Variants in ATP10A observed in about 807,000 individuals in gnomAD.
The protein encoded by ATP10A is phospholipid-transporting ATPase VA.
ATP10A carries 111 observed loss-of-function variants against 147.8 expected under a neutral mutation model. The ratio of observed to expected loss-of-function variants is 0.75; its 90% CI spans 0.64 to 0.88. ATP10A has a LOEUF of 0.88. Among genes scored for constraint, ATP10A ranks in the 40% least tolerant of loss-of-function variants. ATP10A has a pLI of 0.00. For synonymous variants in ATP10A, 875 were observed against 841.6 expected (o/e 1.04, Z -0.69); for missense variants, 1,927 against 1,959.0 (o/e 0.98, Z 0.31).
intron 5 of ATP10A, 51 bp downstream of exon 5, chr15:25,725,900 G>C (rs1259497306): frequency 5.8e-6 from 9 of 1,559,482 alleles, no homozygotes; most frequent in East Asian, 2.3e-5. Context: ...TTACGGGCAC[G>C]AGCCACTGCG....
chr15:25,754,367 C>G (rs1888310188), intron 2 of ATP10A, among the ~76,000 whole-genome samples: 1 of 152,140 alleles, frequency 6.6e-6, no homozygotes. Context: ...ATTTCTTGAC[C>G]TCGTGATCTG....
Position 25,841,969 on chromosome 15 carries a change from T to C in ATP10A, c.449+20679A>G, listed in dbSNP as rs139767860. The stretch of plus-strand genomic sequence containing the variant: ...AGGTTTTGTTTTGGGTTTTGTAGAA[T>C]CAGTCTTTCATCCTCAACTGTGAAA... On this transcript the variant is annotated intron_variant, in intron 1 of 20. Coordinates refer to ENST00000555815, the MANE Select transcript of ATP10A (RefSeq NM_024490.4). Among the ~76,000 whole-genome samples, 579 of 152,346 alleles carry C rather than the reference T, an allele frequency of 3.8e-3. 12 individuals carry two copies. Among genetic ancestry groups the C allele is most frequent in the Admixed American group, 0.031 (468 of 15,306 alleles).
chr15:25,780,289 G>A (rs1022496398), intron 2 of ATP10A, among the ~76,000 whole-genome samples: 3 of 152,270 alleles, frequency 2.0e-5, no homozygotes, highest in Non-Finnish European at 4.4e-5. Context: ...CAGACTTGCT[G>A]TCTAGGCCAG....
At chr15:25,689,482 G>A (rs979711636) in intron 15 of ATP10A, among the ~76,000 whole-genome samples, 7 of 152,098 alleles carry the variant, frequency 4.6e-5, no homozygotes, top group East Asian at 1.9e-4. Context: ...GATCCTCCAC[G>A]GCTCAGCTCT....
intron 13 of ATP10A, among the ~76,000 whole-genome samples, chr15:25,697,317 A>C (rs1473186428): frequency 6.6e-6 from 1 of 152,234 alleles, no homozygotes; most frequent in Admixed American, 6.5e-5. Context: ...CTGCTTAAAA[A>C]AAATCCACAT....
intron 10 of ATP10A, chr15:25,710,244 G>GA (rs1901317814): frequency 6.6e-6 from 1 of 152,260 alleles, no homozygotes; most frequent in African/African-American, 2.4e-5. Context: ...CTCGGGTGAG[G>GA]AGTGACACCA....
At chr15:25,782,396 T>C (rs994320673) in intron 1 of ATP10A, among the ~76,000 whole-genome samples, 17 of 152,210 alleles carry the variant, frequency 1.1e-4, no homozygotes, top group African/African-American at 4.1e-4. Context: ...CACTTAAAAA[T>C]AGTTGAAATG....
chr15:25,805,231 T>G (rs1473907013), intron 1 of ATP10A, among the ~76,000 whole-genome samples: 2 of 152,226 alleles, frequency 1.3e-5, no homozygotes, highest in East Asian at 3.9e-4. Context: ...TGACTCACTG[T>G]GTGCCAGGAG....
chr15:25,689,619 G>A (rs1364395133), intron 15 of ATP10A, among the ~76,000 whole-genome samples: 3 of 152,236 alleles, frequency 2.0e-5, no homozygotes, highest in African/African-American at 4.8e-5. Flanking sequence ...GGATGGTAAG[G>A]AAAGGTATCA....
In ATP10A at chr15:25,680,867, A is replaced by G. The variant is rs772831808; in HGVS notation, c.3621T>C (p.Ile1207=). The change falls in exon 19 of 21, where the codon ATT becomes ATC. Residue 1207 remains isoleucine (I), a synonymous_variant. Coordinates refer to ENST00000555815, the MANE Select transcript of ATP10A (RefSeq NM_024490.4). ...NVDLFTWGTP[I]VTIALLTFLL... is the part of the protein sequence containing the mutation. ...GGAAAGTGAGCAGCGCGATTGTCAC[A>G]ATAGGGGTCCCCCAGGTAAACAGGT... The G allele has an allele frequency of 3.1e-6, 5 of 1,614,116 alleles. No homozygotes were observed. The highest frequency in any genetic ancestry group is 4.2e-6 in the Non-Finnish European group (5 of 1,180,026).
chr15:25,860,904 G>A (rs1276636551), intron 1 of ATP10A, among the ~76,000 whole-genome samples: 2 of 152,192 alleles, frequency 1.3e-5, no homozygotes, highest in Non-Finnish European at 2.9e-5. Context: ...TAAAAAGGAG[G>A]CTACAGGAGT....
chr15:25,713,420 C>G (rs561843966), intron 10 of ATP10A, among the ~76,000 whole-genome samples: 7 of 152,324 alleles, frequency 4.6e-5, no homozygotes, highest in African/African-American at 1.7e-4. Context: ...ACGTGACACT[C>G]TTCAAGTATC....
At chr15:25,863,775 G>C (rs1597017658), upstream of ATP10A, 1 of 152,190 alleles carries the variant, frequency 6.6e-6, no homozygotes, top group Non-Finnish European at 1.5e-5. Flanking sequence ...CTCTGCTCCT[G>C]GGGAGCCCTG....
intron 1 of ATP10A, among the ~76,000 whole-genome samples, chr15:25,802,207 G>A (rs1040035123): frequency 5.9e-5 from 9 of 152,210 alleles, no homozygotes; most frequent in African/African-American, 2.2e-4. Flanking sequence ...GTGGAAACAC[G>A]TGCGTGTGCC....
chr15:25,727,143 C>G lies in ATP10A; in HGVS notation c.847+17G>C. 6.3e-7 allele frequency: 1 copy of G among 1,599,864 alleles called. No individual in the cohort carries two copies. ...AGCGCTGTCTGGCGGCAGGTGGTGC[C>G]AGGTGCCCGAGCCTACCTGCGTAGA... is the stretch of plus-strand genomic sequence containing the variant. On this transcript the variant is annotated intron_variant, in intron 4 of 20. Coordinates refer to ENST00000555815, the MANE Select transcript of ATP10A (RefSeq NM_024490.4).
rs758138600 is a variant in ATP10A at position 25,679,324 on chromosome 15, A to G, written c.*17T>C. The G allele has an allele frequency of 6.5e-6, 9 of 1,390,506 alleles. No homozygotes were observed. In the South Asian group the frequency reaches 1.8e-4, roughly 28 times the overall value. 86.1% of individuals were successfully genotyped at this position (1,390,506 alleles called of 1,614,324 possible). Reference sequence around the variant, plus strand: ...AACATTTATTTATATATATTAAAAAAGGCCATTTCAAGGTTTTCACTGTGA... The same window carrying G: ...AACATTTATTTATATATATTAAAAAGGGCCATTTCAAGGTTTTCACTGTGA... On this transcript the variant is annotated 3_prime_UTR_variant, in exon 21 of 21. Transcript: ENST00000555815.
intron 1 of ATP10A, among the ~76,000 whole-genome samples, chr15:25,820,615 T>C (rs1891839591): frequency 6.6e-6 from 1 of 152,152 alleles, no homozygotes; most frequent in African/African-American, 2.4e-5. Context: ...ATGTTCGGCA[T>C]AGTGTGCAAG....
At chr15:25,705,166 T>G (rs553669237) in intron 12 of ATP10A, among the ~76,000 whole-genome samples, 27 of 152,166 alleles carry the variant, frequency 1.8e-4, no homozygotes, top group Admixed American at 7.9e-4. Context: ...CTGGGCCTGG[T>G]GCAGGGGCAC....
chr15:25,707,957 C>A lies in ATP10A; in HGVS notation c.2575+19G>T, dbSNP rs189305249. On this transcript the variant is annotated intron_variant, in intron 12 of 20. Coordinates refer to ENST00000555815, the MANE Select transcript of ATP10A (RefSeq NM_024490.4). ...AAACTCCACACTGCCCTTAGGCATG[C>A]GACTCTCAAGTTAATTACCTAACAA... 59 of 1,612,538 alleles carry A rather than the reference C, an allele frequency of 3.7e-5. No individual in the cohort carries two copies. Among genetic ancestry groups the A allele is most frequent in the Non-Finnish European group, 5.0e-5 (59 of 1,178,844 alleles).
Sources: gnomAD v4.1 joint callset for allele counts (sites outside exome capture counted in the v4.1 genomes callset) on GRCh38, gnomAD v4.1.1 for gene constraint, MANE v1.5 for transcripts, NCBI Gene and HGNC (gene_info 2026-07-23, HGNC 2026-07-21) for gene names.